TTC28: variants seen among roughly 807,000 people sequenced by gnomAD.
The protein encoded by TTC28 is tetratricopeptide repeat protein 28.
TTC28 carries 61 observed loss-of-function variants against 198.0 expected under a neutral mutation model. That is an observed-to-expected ratio of 0.31 (90% CI 0.25 to 0.38). The LOEUF (loss-of-function observed/expected upper bound fraction) is 0.38. TTC28 is among the 10% of genes least tolerant of loss of function. The pLI is 1.00. For synonymous variants in TTC28, 1,171 were observed against 1,297.8 expected (o/e 0.90, Z 2.10); for missense variants, 2,678 against 3,164.0 (o/e 0.85, Z 3.69).
chr22:28,018,244 A>AGTGTGTGTGTGTGTGT lies in TTC28; in HGVS notation c.4074-3868_4074-3853dup, dbSNP rs138612299. Among the ~76,000 whole-genome samples the AGTGTGTGTGTGTGTGT allele has an allele frequency of 2.4e-3, 271 of 114,964 alleles. 1 individual carries two copies. The highest frequency in any genetic ancestry group is 0.01 in the Middle Eastern group (2 of 194). The allele number at this position is 114,964 out of a possible 152,430, so 75.4% of individuals were successfully genotyped here. On this transcript the variant is annotated intron_variant, in intron 13 of 22. Transcript: ENST00000397906. ...ACTCCTCTGATCTGTGCTGCTATTCAGTGTGTGTGTGTGTGTGTGTGTGTG... is the reference window on the plus strand; with the variant it reads ...ACTCCTCTGATCTGTGCTGCTATTCAGTGTGTGTGTGTGTGTGTGTGTGTGTGTGTGTGTGTGTGTG...
intron 12 of TTC28, among the ~76,000 whole-genome samples, chr22:28,057,629 AT>A (rs917785851): frequency 2.0e-5 from 3 of 151,822 alleles, no homozygotes; most frequent in African/African-American, 7.3e-5. Flanking sequence ...CTAATTTATA[AT>A]TTTTTTTCTT....
At chr22:28,286,355 C>T (rs775610807) in intron 5 of TTC28, among the ~76,000 whole-genome samples, 12 of 152,248 alleles carry the variant, frequency 7.9e-5, no homozygotes, top group South Asian at 4.2e-4. Flanking sequence ...TTTAATCCAA[C>T]GTAGCCAAAA....
At chr22:28,121,399 T>C (rs1037005331) in intron 6 of TTC28, among the ~76,000 whole-genome samples, 2 of 152,202 alleles carry the variant, frequency 1.3e-5, no homozygotes, top group Non-Finnish European at 2.9e-5. Context: ...CAACCACTTC[T>C]TCCATGCATA....
chr22:28,486,741 G>A (rs145763722), intron 2 of TTC28, among the ~76,000 whole-genome samples: 13 of 152,110 alleles, frequency 8.5e-5, no homozygotes, highest in Non-Finnish European at 1.3e-4. Flanking sequence ...CCACTTCCTC[G>A]TTAAATGTCT....
At chr22:28,324,690 C>A (rs2045499647) in intron 2 of TTC28, among the ~76,000 whole-genome samples, 2 of 152,274 alleles carry the variant, frequency 1.3e-5, no homozygotes, top group East Asian at 1.9e-4. Context: ...AAATTCAACA[C>A]CCTTCATGTT....
chr22:28,018,829 C>G (rs1022818488), intron 13 of TTC28, among the ~76,000 whole-genome samples: 2 of 152,176 alleles, frequency 1.3e-5, no homozygotes, highest in Admixed American at 1.3e-4. Flanking sequence ...ACTCAGAGGA[C>G]AGGATGTGGC....
At chr22:28,363,563 C>T (rs914150704) in intron 2 of TTC28, among the ~76,000 whole-genome samples, 1 of 152,166 alleles carries the variant, frequency 6.6e-6, no homozygotes, top group African/African-American at 2.4e-5. Context: ...GGCCACAGTC[C>T]TCCAGACTCC....
At chr22:28,534,550 A>T (rs1405142468) in intron 2 of TTC28, among the ~76,000 whole-genome samples, 3 of 152,234 alleles carry the variant, frequency 2.0e-5, no homozygotes, top group African/African-American at 7.2e-5. Flanking sequence ...TGAACCAGCC[A>T]TCCCATTACT....
intron 2 of TTC28, among the ~76,000 whole-genome samples, chr22:28,323,941 G>A (rs892733836): frequency 2.6e-4 from 40 of 152,242 alleles, no homozygotes; most frequent in African/African-American, 8.9e-4. Context: ...AACCTTACAG[G>A]CCAAGAGAAA....
intron 1 of TTC28, among the ~76,000 whole-genome samples, chr22:28,653,789 C>T (rs1288944238): frequency 1.3e-5 from 2 of 152,188 alleles, no homozygotes; most frequent in Non-Finnish European, 2.9e-5. Flanking sequence ...CTTATACATA[C>T]CACAAACCCT....
intron 5 of TTC28, among the ~76,000 whole-genome samples, 157 bp downstream of exon 5, chr22:28,296,041 A>G (rs1601593802): frequency 6.6e-6 from 1 of 152,274 alleles, no homozygotes; most frequent in Non-Finnish European, 1.5e-5. Context: ...AGAACACTCA[A>G]TTGTTGATGA....
At chr22:28,247,298 A>G (rs564152840) in intron 5 of TTC28, among the ~76,000 whole-genome samples, 1 of 152,328 alleles carries the variant, frequency 6.6e-6, no homozygotes, top group Admixed American at 6.5e-5. Flanking sequence ...CCAGCTCTTC[A>G]GCATGAACTT....
chr22:28,254,319 C>T (rs182244209), intron 5 of TTC28, among the ~76,000 whole-genome samples: 1 of 151,660 alleles, frequency 6.6e-6, no homozygotes, highest in Non-Finnish European at 1.5e-5. Context: ...GTAGAGAAAA[C>T]CACAATGGAA....
At chr22:28,339,210 T>C (rs1251095960) in intron 2 of TTC28, among the ~76,000 whole-genome samples, 2 of 152,096 alleles carry the variant, frequency 1.3e-5, no homozygotes, top group African/African-American at 2.4e-5. Context: ...ACAGCGGATA[T>C]TGGTGAACAG....
At chr22:28,509,067 T>C (rs932854194) in intron 2 of TTC28, among the ~76,000 whole-genome samples, 1 of 152,048 alleles carries the variant, frequency 6.6e-6, no homozygotes, top group Non-Finnish European at 1.5e-5. Flanking sequence ...GGCATGTGCC[T>C]GTAATCCCAG....
intron 12 of TTC28, among the ~76,000 whole-genome samples, chr22:28,092,600 T>A (rs1941848048): frequency 6.6e-6 from 1 of 152,196 alleles, no homozygotes; most frequent in South Asian, 2.1e-4. Context: ...AACTCTCACT[T>A]TGGACATGCA....
intron 2 of TTC28, among the ~76,000 whole-genome samples, chr22:28,586,289 A>G (rs890390716): frequency 3.3e-5 from 5 of 152,134 alleles, no homozygotes; most frequent in Non-Finnish European, 7.4e-5. Context: ...AAAAAAAAAA[A>G]AAAGAAAGAA....
chr22:28,372,205 C>A (rs1253036083), intron 2 of TTC28, among the ~76,000 whole-genome samples: 1 of 152,186 alleles, frequency 6.6e-6, no homozygotes, highest in Non-Finnish European at 1.5e-5. Context: ...TGGAAAACTT[C>A]TGAACAGCTA....
chr22:28,520,427 A>G (rs961028658), intron 2 of TTC28, among the ~76,000 whole-genome samples: 2 of 152,178 alleles, frequency 1.3e-5, no homozygotes, highest in African/African-American at 4.8e-5. Context: ...TCCTCTGACC[A>G]ACACTCAACT....
Sources: allele counts gnomAD v4.1 joint callset (sites outside exome capture counted in the v4.1 genomes callset), GRCh38; gene constraint gnomAD v4.1.1; transcripts MANE v1.5; gene names NCBI Gene and HGNC (gene_info 2026-07-23, HGNC 2026-07-21).